Variants in TPTE observed in about 807,000 individuals in gnomAD.
TPTE encodes transmembrane phosphatase with tensin homology, also known as putative tyrosine-protein phosphatase TPTE.
A neutral mutation model predicts 84.1 loss-of-function variants in TPTE; 59 were observed. The observed-to-expected ratio is 0.70, with a 90% CI of 0.57 to 0.87. The LOEUF (loss-of-function observed/expected upper bound fraction) is 0.87. Ranked by LOEUF, TPTE falls within the 40% of genes least tolerant of loss-of-function variation. The pLI, the probability that TPTE is intolerant of heterozygous loss-of-function variation, is 0.00. For synonymous variants in TPTE, 130 were observed against 223.5 expected, an observed-to-expected ratio of 0.58 and a Z score of 3.73; for missense variants, 382 against 659.6, an observed-to-expected ratio of 0.58 and a Z score of 4.61.
At chr21:10,572,169 A>T (rs796801928) in intron 14 of TPTE, among the ~76,000 whole-genome samples, 265 of 151,514 alleles carry the variant, frequency 1.7e-3, no homozygotes, top group African/African-American at 6.4e-3. Context: ...GGGAATATTC[A>T]TCAGGTGCGG....
At chr21:10,556,478 T>A (rs1292642656) in intron 8 of TPTE, among the ~76,000 whole-genome samples, 31 of 152,412 alleles carry the variant, frequency 2.0e-4, no homozygotes, top group African/African-American at 7.2e-4. Context: ...GTCTTTGCTA[T>A]TGTGAATAGT....
At chr21:10,599,810 AGTTAGTTAG>A (rs1427089106) in intron 21 of TPTE, among the ~76,000 whole-genome samples, 47 of 151,426 alleles carry the variant, frequency 3.1e-4, no homozygotes, top group African/African-American at 1.1e-3. Context: ...TTAGTTAGTT[AGTTAGTTAG>A]TTAGTTAGTT....
intron 14 of TPTE, among the ~76,000 whole-genome samples, 165 bp downstream of exon 14, chr21:10,570,714 C>G (rs2075025993): frequency 6.6e-6 from 1 of 152,308 alleles, no homozygotes; most frequent in Non-Finnish European, 1.5e-5. Context: ...CCAGTGGTTA[C>G]AAACCACCCC....
At chr21:10,579,035 G>A (rs551743) in intron 17 of TPTE, among the ~76,000 whole-genome samples, 2 of 151,722 alleles carry the variant, frequency 1.3e-5, no homozygotes, top group Admixed American at 1.3e-4. Flanking sequence ...TTTTGATATA[G>A]GTAAACATTG....
intron 3 of TPTE, among the ~76,000 whole-genome samples, chr21:10,537,066 A>G (rs1240654242): frequency 1.3e-5 from 2 of 152,310 alleles, no homozygotes; most frequent in Non-Finnish European, 2.9e-5. Context: ...GTGTGAGAGC[A>G]GAGAAGACAC....
intron 17 of TPTE, among the ~76,000 whole-genome samples, chr21:10,582,353 T>C (rs1433217475): frequency 6.6e-6 from 1 of 152,308 alleles, no homozygotes; most frequent in African/African-American, 2.4e-5. Context: ...TGTTCCTAAG[T>C]TCTCTCTACC....
intron 7 of TPTE, among the ~76,000 whole-genome samples, chr21:10,545,018 T>C (rs1431574591): frequency 2.6e-5 from 4 of 152,302 alleles, no homozygotes; most frequent in Non-Finnish European, 5.9e-5. Flanking sequence ...TTAATGTCCG[T>C]TTTTCAGGGG....
At chr21:10,546,995 AT>A (rs2074479633) in intron 7 of TPTE, among the ~76,000 whole-genome samples, 1 of 152,306 alleles carries the variant, frequency 6.6e-6, no homozygotes, top group Non-Finnish European at 1.5e-5. Context: ...ATAGCCTTTT[AT>A]TGGAAGAAGA....
At chr21:10,542,030 CT>C in intron 5 of TPTE, among the ~76,000 whole-genome samples, 1 of 152,304 alleles carries the variant, frequency 6.6e-6, no homozygotes, top group Non-Finnish European at 1.5e-5. Context: ...ACATAAGGAG[CT>C]AATGGAGGGC....
chr21:10,566,553 T>C (rs1029252285), intron 10 of TPTE, among the ~76,000 whole-genome samples: 2 of 152,306 alleles, frequency 1.3e-5, no homozygotes, highest in Non-Finnish European at 2.9e-5. Context: ...GATATCTGCA[T>C]TCCCTTTTTG....
At chr21:10,555,178 G>A (rs1379672665) in intron 8 of TPTE, among the ~76,000 whole-genome samples, 1 of 152,306 alleles carries the variant, frequency 6.6e-6, no homozygotes, top group Non-Finnish European at 1.5e-5. Context: ...GGAACTTTCA[G>A]TGTATTAAGG....
chr21:10,593,475 A>C (rs1260809760), intron 19 of TPTE, among the ~76,000 whole-genome samples: 1 of 152,256 alleles, frequency 6.6e-6, no homozygotes, highest in Non-Finnish European at 1.5e-5. Flanking sequence ...CTAAGTTCAT[A>C]GATTTCTCAC....
At chr21:10,552,589 T>C (rs1438997642) in intron 7 of TPTE, 68 bp from the exon 8 acceptor site, 2 of 1,608,638 alleles carry the variant, frequency 1.2e-6, no homozygotes, top group African/African-American at 1.3e-5. Flanking sequence ...TTCAAATATA[T>C]TTTTCATCAC....
chr21:10,591,118 A>T (rs969878867), intron 18 of TPTE, among the ~76,000 whole-genome samples: 1 of 152,308 alleles, frequency 6.6e-6, no homozygotes, highest in African/African-American at 2.4e-5. Context: ...AACTCAAAAC[A>T]AAGCCTCTCC....
intron 22 of TPTE, 124 bp from the exon 23 acceptor site, chr21:10,603,437 GC>G: frequency 1.0e-6 from 1 of 985,324 alleles, no homozygotes; most frequent in South Asian, 1.6e-5. Context: ...ATTGCAGAGT[GC>G]CACATATTTA....
At chr21:10,548,980 T>C (rs2074522954) in intron 7 of TPTE, among the ~76,000 whole-genome samples, 1 of 152,312 alleles carries the variant, frequency 6.6e-6, no homozygotes, top group South Asian at 2.1e-4. Flanking sequence ...ACTCCAAGTT[T>C]TCTGACCCAC....
At chr21:10,523,730 C>G (rs1311041210) in intron 1 of TPTE, among the ~76,000 whole-genome samples, 270 of 152,290 alleles carry the variant, frequency 1.8e-3, no homozygotes, top group African/African-American at 6.2e-3. Flanking sequence ...CAAGTCTTTG[C>G]TATTGTGAAT....
intron 3 of TPTE, among the ~76,000 whole-genome samples, chr21:10,530,817 C>G (rs2074164480): frequency 6.6e-6 from 1 of 152,308 alleles, no homozygotes; most frequent in South Asian, 2.1e-4. Flanking sequence ...CACAACAACA[C>G]TTGACATTAT....
At chr21:10,561,603 C>T (rs2338980) in intron 10 of TPTE, among the ~76,000 whole-genome samples, 19 of 151,858 alleles carry the variant, frequency 1.3e-4, no homozygotes, top group African/African-American at 2.9e-4. Flanking sequence ...GGCAGTACCC[C>T]CCCCATGTCC....
Sources: allele counts gnomAD v4.1 joint callset (sites outside exome capture counted in the v4.1 genomes callset), GRCh38; gene constraint gnomAD v4.1.1; transcripts MANE v1.5; gene names NCBI Gene and HGNC (gene_info 2026-07-23, HGNC 2026-07-21).